The following PCDH15 variants were observed in gnomAD, a reference collection of about 807,000 sequenced individuals.
PCDH15 encodes the protein protocadherin related 15, also known as protocadherin-15.
PCDH15 carries 129 observed loss-of-function variants against 178.5 expected under a neutral mutation model. That is an observed-to-expected ratio of 0.72 (90% confidence interval 0.63 to 0.84). The LOEUF (loss-of-function observed/expected upper bound fraction) is 0.84, where lower values mean the gene tolerates loss of function less well. Ranked by LOEUF, PCDH15 falls within the 40% of genes least tolerant of loss-of-function variation. The probability of loss-of-function intolerance (pLI) is 0.00; values close to 1 mark genes in which losing one functional copy is unlikely to be tolerated. For missense variants in PCDH15, 2,230 were observed against 2,099.9 expected, an observed-to-expected ratio of 1.06 and a Z score of -1.21; for synonymous variants, 800 against 732.0, an observed-to-expected ratio of 1.09 and a Z score of -1.50.
intron 2 of PCDH15, among the ~76,000 whole-genome samples, chr10:55,581,443 A>G (rs1034039112): frequency 6.6e-6 from 1 of 151,852 alleles, no homozygotes; most frequent in Non-Finnish European, 1.5e-5. Flanking sequence ...TTATAAATGC[A>G]TTTCAACTGC....
chr10:55,591,629 G>A (rs1010008342), intron 2 of PCDH15, among the ~76,000 whole-genome samples: 1 of 152,020 alleles, frequency 6.6e-6, no homozygotes, highest in African/African-American at 2.4e-5. Flanking sequence ...TTCTTTTTCT[G>A]TGAAAATCTC....
intron 2 of PCDH15, among the ~76,000 whole-genome samples, chr10:55,058,269 A>G (rs1402606685): frequency 6.6e-6 from 1 of 152,060 alleles, no homozygotes; most frequent in Non-Finnish European, 1.5e-5. Context: ...AGAGTGCAGT[A>G]GCAAAATCAC....
chr10:54,525,427 T>C (rs1320331193), intron 3 of PCDH15, among the ~76,000 whole-genome samples: 2 of 152,192 alleles, frequency 1.3e-5, no homozygotes, highest in Admixed American at 6.5e-5. Flanking sequence ...TAAGAGAGTA[T>C]AGAGCAAGGC....
intron 28 of PCDH15, among the ~76,000 whole-genome samples, chr10:53,856,807 T>C (rs1399518349): frequency 6.6e-6 from 1 of 152,112 alleles, no homozygotes; most frequent in Non-Finnish European, 1.5e-5. Context: ...ATGTTTAATC[T>C]GAACATTGTA....
At chr10:55,198,312 G>A (rs952559580) in intron 1 of PCDH15, among the ~76,000 whole-genome samples, 1 of 151,946 alleles carries the variant, frequency 6.6e-6, no homozygotes, top group Non-Finnish European at 1.5e-5. Context: ...TAATCCCCAC[G>A]TATTGGAGGA....
At chr10:54,027,411 G>C (rs2093138936) in intron 18 of PCDH15, among the ~76,000 whole-genome samples, 1 of 152,094 alleles carries the variant, frequency 6.6e-6, no homozygotes, top group South Asian at 2.1e-4. Context: ...AGCTACCAAT[G>C]CCTTTCTTCA....
Position 54,732,275 on chromosome 10 carries a change from C to A in PCDH15, c.-28-67985G>T, listed in dbSNP as rs977276824. Among the ~76,000 whole-genome samples, 64 of 151,054 alleles carry A rather than the reference C, an allele frequency of 4.2e-4. 1 individual carries two copies. Among genetic ancestry groups the A allele is most frequent in the Non-Finnish European group, 9.0e-4 (61 of 67,494 alleles). On this transcript the variant is annotated intron_variant, in intron 1 of 37. Transcript: ENST00000644397. ...CACATTAATAAAAATTATTAACCTC[C>A]AGAGAGCCAGAGCCAGAGACAGAGC... is the stretch of plus-strand genomic sequence containing the variant.
At chr10:54,747,264 G>A (rs1391575640) in intron 1 of PCDH15, among the ~76,000 whole-genome samples, 3 of 152,138 alleles carry the variant, frequency 2.0e-5, no homozygotes, top group African/African-American at 7.2e-5. Context: ...ACCAGCCACT[G>A]GTCAACTTTG....
At chr10:54,125,763 G>T (rs1018194915) in intron 15 of PCDH15, among the ~76,000 whole-genome samples, 2 of 152,040 alleles carry the variant, frequency 1.3e-5, no homozygotes, top group African/African-American at 2.4e-5. Context: ...GCTTATGATA[G>T]CATCAATTAA....
At chr10:55,558,070 G>A (rs1176001327) in intron 2 of PCDH15, among the ~76,000 whole-genome samples, 4 of 152,058 alleles carry the variant, frequency 2.6e-5, no homozygotes, top group Non-Finnish European at 4.4e-5. Context: ...GCTAACCTCT[G>A]TCATTAGATG....
At chr10:55,422,640 A>T (rs937310687) in intron 2 of PCDH15, among the ~76,000 whole-genome samples, 14 of 151,874 alleles carry the variant, frequency 9.2e-5, no homozygotes, top group Non-Finnish European at 2.1e-4. Context: ...AAATCGAAAG[A>T]TCTTTTCCAA....
chr10:54,227,134 C>T (rs1319215261), intron 9 of PCDH15, among the ~76,000 whole-genome samples: 2 of 152,122 alleles, frequency 1.3e-5, no homozygotes, highest in African/African-American at 2.4e-5. Flanking sequence ...AGGTGGTGCC[C>T]CAGTAGGGAC....
At chr10:53,874,049 T>C (rs1165939506) in intron 26 of PCDH15, among the ~76,000 whole-genome samples, 2 of 152,212 alleles carry the variant, frequency 1.3e-5, no homozygotes, top group African/African-American at 4.8e-5. Context: ...GTCTATGGTA[T>C]TCTGCTATAG....
chr10:55,468,208 A>C (rs1839880267), intron 2 of PCDH15: 1 of 152,136 alleles, frequency 6.6e-6, no homozygotes, highest in African/African-American at 2.4e-5. Context: ...AGAGAACACT[A>C]AAATCATTCC....
At chr10:55,135,600 T>G (rs1806785903) in intron 2 of PCDH15, among the ~76,000 whole-genome samples, 1 of 115,486 alleles carries the variant, frequency 8.7e-6, no homozygotes, top group Non-Finnish European at 1.9e-5. Context: ...TTTTTTTTTT[T>G]GAGACAGAGT....
At chr10:55,324,434 G>T (rs1245647161), upstream of PCDH15, among the ~76,000 whole-genome samples, 3 of 152,024 alleles carry the variant, frequency 2.0e-5, no homozygotes, top group Non-Finnish European at 4.4e-5. Context: ...AAAAGCAAGA[G>T]TTGTTATTCA....
chr10:54,320,588 A>T (rs113300418), intron 7 of PCDH15, among the ~76,000 whole-genome samples: 15 of 84,484 alleles, frequency 1.8e-4, no homozygotes, highest in African/African-American at 3.6e-4. Flanking sequence ...TTTAAATTTT[A>T]AAAAAAAATA....
At chr10:54,408,115 A>C (rs1460309987) in intron 3 of PCDH15, among the ~76,000 whole-genome samples, 3 of 151,156 alleles carry the variant, frequency 2.0e-5, no homozygotes, top group Admixed American at 6.6e-5. Flanking sequence ...CCTCTAAGGT[A>C]ACCCTAGGAG....
At chr10:53,909,641 T>G (rs1196411503) in intron 25 of PCDH15, among the ~76,000 whole-genome samples, 1 of 152,114 alleles carries the variant, frequency 6.6e-6, no homozygotes, top group Non-Finnish European at 1.5e-5. Context: ...CTAATTCATC[T>G]CACTGGGACT....
Sources: gnomAD v4.1 joint callset for allele counts (sites outside exome capture counted in the v4.1 genomes callset) on GRCh38, gnomAD v4.1.1 for gene constraint, MANE v1.5 for transcripts, NCBI Gene and HGNC (gene_info 2026-07-23, HGNC 2026-07-21) for gene names.